PACSIN2: variants seen among roughly 807,000 people sequenced by gnomAD.
The protein encoded by PACSIN2 is protein kinase C and casein kinase substrate in neurons protein 2.
Under a neutral mutation model 63.8 loss-of-function variants are expected in PACSIN2, and 25 were observed. That is an observed-to-expected ratio of 0.39 (90% CI 0.29 to 0.55). The LOEUF (loss-of-function observed/expected upper bound fraction) is 0.55. PACSIN2 is among the 20% of genes least tolerant of loss of function. The probability of loss-of-function intolerance (pLI) is 0.62; values close to 1 mark genes in which losing one functional copy is unlikely to be tolerated. For synonymous variants in PACSIN2, 255 were observed against 256.2 expected, an observed-to-expected ratio of 1.00 and a Z score of 0.05; for missense variants, 518 against 646.9, an observed-to-expected ratio of 0.80 and a Z score of 2.16.
At chr22:42,909,220 A>G (rs548416638) in intron 2 of PACSIN2, among the ~76,000 whole-genome samples, 4 of 152,248 alleles carry the variant, frequency 2.6e-5, no homozygotes, top group South Asian at 2.1e-4. Flanking sequence ...TGACCTGCCT[A>G]GTGTCTACCT....
At chr22:42,918,265 A>T (rs62231598) in intron 1 of PACSIN2, among the ~76,000 whole-genome samples, 9,305 of 152,254 alleles carry the variant, frequency 0.061, 464 homozygotes, top group South Asian at 0.12. Flanking sequence ...TGCAGTGTTC[A>T]AAAGCTATTT....
At chr22:42,880,773 A>G (rs764871078) in intron 7 of PACSIN2, among the ~76,000 whole-genome samples, 1 of 151,988 alleles carries the variant, frequency 6.6e-6, no homozygotes, top group Non-Finnish European at 1.5e-5. Context: ...TGGCTGGGAC[A>G]CCCTCCAGGA....
chr22:42,926,672 G>GA (rs56964351), intron 1 of PACSIN2, among the ~76,000 whole-genome samples: 3,386 of 145,802 alleles, frequency 0.023, 116 homozygotes, highest in African/African-American at 0.076. Context: ...CTTCCCACAG[G>GA]AAAAAAAAAA....
At chr22:42,962,306 C>A (rs528411820) in intron 1 of PACSIN2, among the ~76,000 whole-genome samples, 1 of 152,080 alleles carries the variant, frequency 6.6e-6, no homozygotes, top group Admixed American at 6.6e-5. Context: ...AACATTTACA[C>A]AGCACTTACT....
Position 42,912,380 on chromosome 22 carries a change from T to G in PACSIN2, c.-77-223A>C, listed in dbSNP as rs188147767. 2.6e-5 allele frequency among the ~76,000 whole-genome samples: 4 copies of G among 152,252 alleles called. No individual in the cohort carries two copies. In the East Asian group the frequency reaches 7.7e-4, roughly 29 times the overall value. ...GTGGGTGATGGGGGCGAGGGGTGCATGTGCATAAAAGGCAGAGTCCTTGGA... is the reference window on the plus strand; with the variant it reads ...GTGGGTGATGGGGGCGAGGGGTGCAGGTGCATAAAAGGCAGAGTCCTTGGA... On this transcript the variant is annotated intron_variant, in intron 1 of 10. Coordinates refer to ENST00000263246, the MANE Select transcript of PACSIN2 (RefSeq NM_001184970.3).
chr22:42,959,170 GATC>G (rs1455137506), intron 1 of PACSIN2, among the ~76,000 whole-genome samples: 2 of 152,180 alleles, frequency 1.3e-5, no homozygotes, highest in African/African-American at 2.4e-5. Flanking sequence ...GGTGGCAGGT[GATC>G]AGAGACTCTG....
At chr22:42,900,122 G>A (rs1164632319) in intron 2 of PACSIN2, among the ~76,000 whole-genome samples, 2 of 151,988 alleles carry the variant, frequency 1.3e-5, no homozygotes, top group Non-Finnish European at 2.9e-5. Context: ...CCAGCGTGGA[G>A]CACCAACCCA....
intron 1 of PACSIN2, among the ~76,000 whole-genome samples, chr22:42,918,829 T>C (rs537311961): frequency 1.3e-5 from 2 of 152,330 alleles, no homozygotes; most frequent in Non-Finnish European, 2.9e-5. Flanking sequence ...GAAGTACTAC[T>C]ATAATTTTTT....
chr22:42,936,602 T>C (rs1290002710), intron 1 of PACSIN2, among the ~76,000 whole-genome samples: 1 of 152,110 alleles, frequency 6.6e-6, no homozygotes, highest in East Asian at 1.9e-4. Context: ...TTTACATATA[T>C]CAAAGCAGAA....
chr22:42,882,258 C>T lies in PACSIN2; in HGVS notation c.832G>A (p.Asp278Asn). The T allele has an allele frequency of 6.2e-7, 1 of 1,614,048 alleles. No individual in the cohort carries two copies. The highest frequency in any genetic ancestry group is 8.5e-7 in the Non-Finnish European group (1 of 1,179,962). Residue 278 changes from aspartate (D) to asparagine (N), a missense_variant, in exon 7 of 11, where the codon GAT becomes AAT. By Grantham distance (23) the Asp-to-Asn change is conservative. Coordinates refer to ENST00000263246, the MANE Select transcript of PACSIN2 (RefSeq NM_001184970.3). ...AACCACCTCAGGTCCTCCACTGCAT[C>T]AGCTGCTCTGATGCTCTGCTCCAGG... is the stretch of plus-strand genomic sequence containing the variant. ...HDLEQSIRAA[D>N]AVEDLRWFRA...
At chr22:42,905,489 G>T (rs970024988) in intron 2 of PACSIN2, among the ~76,000 whole-genome samples, 1 of 152,256 alleles carries the variant, frequency 6.6e-6, no homozygotes, top group African/African-American at 2.4e-5. Flanking sequence ...CCAACTACCA[G>T]CAAGTGCTGT....
intron 1 of PACSIN2, among the ~76,000 whole-genome samples, chr22:42,969,247 ATC>A (rs1378424782): frequency 2.6e-5 from 4 of 152,248 alleles, no homozygotes; most frequent in Non-Finnish European, 5.9e-5. Flanking sequence ...TTAAAAGTGT[ATC>A]TCATTTTACA....
chr22:43,006,666 T>C (rs908655607), intron 1 of PACSIN2, among the ~76,000 whole-genome samples: 1 of 151,938 alleles, frequency 6.6e-6, no homozygotes, highest in African/African-American at 2.4e-5. Flanking sequence ...AATACAAAAA[T>C]TAGCCCGGCA....
chr22:42,881,204 A>T (rs986570458), intron 7 of PACSIN2, among the ~76,000 whole-genome samples: 1 of 152,238 alleles, frequency 6.6e-6, no homozygotes, highest in Non-Finnish European at 1.5e-5. Flanking sequence ...AAGGACTGAC[A>T]AAACTGCAGG....
chr22:42,992,829 G>A (rs926398134), intron 1 of PACSIN2, among the ~76,000 whole-genome samples: 5 of 152,164 alleles, frequency 3.3e-5, no homozygotes, highest in African/African-American at 1.2e-4. Context: ...TAATTTTACT[G>A]AGTGAAAGAA....
chr22:42,987,492 A>G (rs1181848913), intron 1 of PACSIN2, among the ~76,000 whole-genome samples: 10 of 99,834 alleles, frequency 1.0e-4, no homozygotes, highest in African/African-American at 4.5e-4. Context: ...ACACACACAC[A>G]CCCATGGCAC....
intron 10 of PACSIN2, among the ~76,000 whole-genome samples, chr22:42,873,044 G>A (rs1011271170): frequency 3.9e-5 from 6 of 152,104 alleles, no homozygotes; most frequent in African/African-American, 7.2e-5. Flanking sequence ...CCAGAACACC[G>A]CAAGAGACGT....
At chr22:42,885,710 C>T (rs1929424792) in intron 5 of PACSIN2, among the ~76,000 whole-genome samples, 1 of 152,154 alleles carries the variant, frequency 6.6e-6, no homozygotes, top group African/African-American at 2.4e-5. Context: ...CCTCGTGAGA[C>T]CAGGTTCCAC....
At chr22:42,931,179 G>A (rs1157094016) in intron 1 of PACSIN2, among the ~76,000 whole-genome samples, 1 of 152,216 alleles carries the variant, frequency 6.6e-6, no homozygotes, top group Non-Finnish European at 1.5e-5. Context: ...CCCACGGCTG[G>A]GCACAGCACC....
Sources: gnomAD v4.1 joint callset for allele counts (sites outside exome capture counted in the v4.1 genomes callset) on GRCh38, gnomAD v4.1.1 for gene constraint, MANE v1.5 for transcripts, NCBI Gene and HGNC (gene_info 2026-07-23, HGNC 2026-07-21) for gene names.